INTS8: variants seen among roughly 807,000 people sequenced by gnomAD.
The protein encoded by INTS8 is integrator complex subunit 8, also known as protein kaonashi-1.
INTS8 carries 47 observed loss-of-function variants against 138.9 expected under a neutral mutation model. That is an observed-to-expected ratio of 0.34 (90% CI 0.27 to 0.43). INTS8 has a LOEUF of 0.43. INTS8 is among the 20% of genes least tolerant of loss of function. The pLI, the probability that INTS8 is intolerant of heterozygous loss-of-function variation, is 1.00. For synonymous variants in INTS8, 392 were observed against 400.9 expected (o/e 0.98, Z 0.27); for missense variants, 996 against 1,173.0 (o/e 0.85, Z 2.20).
chr8:94,866,094 A>ACTTT, intron 17 of INTS8, 64 bp from the exon 18 acceptor site: 1 of 705,592 alleles, frequency 1.4e-6, no homozygotes, highest in Non-Finnish European at 2.4e-6. Flanking sequence ...CCTATAATTT[A>ACTTT]CTTTCTTGAT....
chr8:94,854,373 A>C (rs149757253), intron 14 of INTS8, among the ~76,000 whole-genome samples: 2 of 152,206 alleles, frequency 1.3e-5, no homozygotes, highest in Non-Finnish European at 1.5e-5. Flanking sequence ...CTTTACCGTT[A>C]TAATTATACT....
At chr8:94,856,272 GAA>G (rs1288315910) in intron 14 of INTS8, among the ~76,000 whole-genome samples, 1 of 152,188 alleles carries the variant, frequency 6.6e-6, no homozygotes, top group Non-Finnish European at 1.5e-5. Context: ...GGGAGTGAAT[GAA>G]ATATGTGGAG....
chr8:94,853,000 T>C (rs1178265353), intron 13 of INTS8, among the ~76,000 whole-genome samples: 1 of 152,124 alleles, frequency 6.6e-6, no homozygotes, highest in Admixed American at 6.5e-5. Context: ...GCATTGATGC[T>C]ATTTATTAGT....
At chr8:94,832,553 A>G (rs1436984879) in intron 6 of INTS8, among the ~76,000 whole-genome samples, 1 of 152,240 alleles carries the variant, frequency 6.6e-6, no homozygotes, top group African/African-American at 2.4e-5. Flanking sequence ...GAGAGTGTCT[A>G]GCTTTTCAGG....
chr8:94,863,162 T>TG (rs1420104026), intron 16 of INTS8, among the ~76,000 whole-genome samples: 2 of 151,948 alleles, frequency 1.3e-5, no homozygotes, highest in African/African-American at 4.8e-5. Flanking sequence ...TAGGTAGTAG[T>TG]GGGGGGTTGG....
chr8:94,830,571 C>T (rs1423387593), intron 5 of INTS8, among the ~76,000 whole-genome samples: 1 of 152,142 alleles, frequency 6.6e-6, no homozygotes, highest in Non-Finnish European at 1.5e-5. Flanking sequence ...GATCTTGGCT[C>T]ATTGCAGCCT....
chr8:94,861,936 A>ATATCTATC (rs2131052706), intron 16 of INTS8, among the ~76,000 whole-genome samples: 1 of 151,206 alleles, frequency 6.6e-6, no homozygotes, highest in African/African-American at 2.4e-5. Context: ...ACATTGAATC[A>ATATCTATC]TATCTATCTC....
At chr8:94,830,942 C>T (rs1306034369) in intron 5 of INTS8, among the ~76,000 whole-genome samples, 4 of 151,460 alleles carry the variant, frequency 2.6e-5, no homozygotes, top group Non-Finnish European at 5.9e-5. Context: ...GGATTATAGG[C>T]GTGCTCCACC....
intron 6 of INTS8, among the ~76,000 whole-genome samples, chr8:94,832,478 T>C (rs1319502289): frequency 1.3e-5 from 2 of 152,192 alleles, no homozygotes; most frequent in Non-Finnish European, 2.9e-5. Flanking sequence ...ATCAGAAATC[T>C]GATCAGACCA....
intron 2 of INTS8, among the ~76,000 whole-genome samples, chr8:94,826,431 G>A (rs1009766774): frequency 9.9e-5 from 15 of 152,084 alleles, no homozygotes; most frequent in Admixed American, 5.2e-4. Context: ...GCAGGCGCCC[G>A]CCACCATAAA....
In INTS8 at chr8:94,872,023, C is replaced by T. The variant is rs200483665; in HGVS notation, c.2533+21C>T. 1.3e-5 allele frequency: 15 copies of T among 1,189,714 alleles called. No individual in the cohort carries two copies. The African/African-American group carries it at 1.8e-4, about 14-fold the overall frequency. 73.7% of individuals were successfully genotyped at this position (1,189,714 alleles called of 1,614,324 possible). A position where few individuals can be genotyped will look rare whatever the true frequency, so the allele number is the denominator to read the frequency against. ...CTTTGGTAAGTGAGATGTTTAGTTG[C>T]TTTGTGTTTTGTTTTTATAGCACTT... On this transcript the variant is annotated intron_variant, in intron 21 of 26. Transcript: ENST00000523731.
At chr8:94,839,775 T>A (rs1815066267) in intron 8 of INTS8, among the ~76,000 whole-genome samples, 3 of 152,206 alleles carry the variant, frequency 2.0e-5, no homozygotes, top group African/African-American at 7.2e-5. Flanking sequence ...CTCACACCTG[T>A]AATCCCAGCA....
At chr8:94,869,337 G>GT (rs919753281) in intron 20 of INTS8, among the ~76,000 whole-genome samples, 2 of 151,378 alleles carry the variant, frequency 1.3e-5, no homozygotes, top group East Asian at 2.0e-4. Context: ...TTTTTTGGGG[G>GT]TTTTTTTGAG....
chr8:94,872,236 T>C (rs1278317742), intron 21 of INTS8, among the ~76,000 whole-genome samples: 3 of 141,870 alleles, frequency 2.1e-5, no homozygotes, highest in Non-Finnish European at 4.8e-5. Context: ...AACAGTGAAT[T>C]TTTTTTTGTG....
Position 94,881,553 on chromosome 8 carries a change from C to G in INTS8, c.*1319C>G. 1 of 1,436,990 alleles carries G rather than the reference C, an allele frequency of 7.0e-7. No homozygotes were observed. Among genetic ancestry groups the G allele is most frequent in the Non-Finnish European group, 9.6e-7 (1 of 1,044,194 alleles). 89.0% of individuals were successfully genotyped at this position (1,436,990 alleles called of 1,614,324 possible). Reference sequence around the variant, plus strand: ...GGGCAATCAATCACAGCACTACTTTCTGTAAAACTTTAGTAGTTCAGTGAT... The same window carrying G: ...GGGCAATCAATCACAGCACTACTTTGTGTAAAACTTTAGTAGTTCAGTGAT... On this transcript the variant is annotated 3_prime_UTR_variant, in exon 27 of 27. Transcript: ENST00000523731.
chr8:94,844,026 C>CT (rs539302253), intron 10 of INTS8, among the ~76,000 whole-genome samples: 83,527 of 139,092 alleles, frequency 0.6, 24,638 homozygotes, highest in South Asian at 0.7. Flanking sequence ...TAGAGTTCTG[C>CT]TTTTTTTTTT....
rs75986353 is a variant in INTS8 at position 94,853,391 on chromosome 8, C to T, written c.1642-414C>T. ...TATGATAGGGGATTCTGGGACTAAC[C>T]GCGTGCTTAAGCTTGAATGCCAGCT... On this transcript the variant is annotated intron_variant, in intron 13 of 26. Transcript: ENST00000523731. Among the ~76,000 whole-genome samples, 851 of 152,180 alleles carry T rather than the reference C, an allele frequency of 5.6e-3. 10 individuals are homozygous for T. Among genetic ancestry groups the T allele is most frequent in the African/African-American group, 0.019 (796 of 41,520 alleles).
chr8:94,825,115 C>G lies in INTS8; in HGVS notation c.305+48C>G, dbSNP rs760133903. On this transcript the variant is annotated intron_variant, in intron 2 of 26. Coordinates refer to ENST00000523731, the MANE Select transcript of INTS8 (RefSeq NM_017864.4). ...TTCATTTGAAGTGCTATTTAGATAT[C>G]TTGGTTTATTTCTATATATGCTTTT... is the stretch of plus-strand genomic sequence containing the variant. 3 of 1,315,358 alleles carry G rather than the reference C, an allele frequency of 2.3e-6. No individual in the cohort carries two copies. In the South Asian group the frequency reaches 3.7e-5, roughly 16 times the overall value. 81.5% of individuals were successfully genotyped at this position (1,315,358 alleles called of 1,614,324 possible).
intron 13 of INTS8, among the ~76,000 whole-genome samples, chr8:94,852,674 C>T (rs527898408): frequency 7.7e-4 from 117 of 151,954 alleles, no homozygotes; most frequent in African/African-American, 2.3e-3. Flanking sequence ...CTGCAACCTC[C>T]GCCTCCCGGG....
Sources: allele counts gnomAD v4.1 joint callset (sites outside exome capture counted in the v4.1 genomes callset), GRCh38; gene constraint gnomAD v4.1.1; transcripts MANE v1.5; gene names NCBI Gene and HGNC (gene_info 2026-07-23, HGNC 2026-07-21).